FOXN2: variants seen among roughly 807,000 people sequenced by gnomAD.
FOXN2 encodes forkhead box N2.
Under a neutral mutation model 41.2 loss-of-function variants are expected in FOXN2, and 19 were observed. The observed-to-expected ratio is 0.46, with a 90% CI of 0.32 to 0.68. FOXN2 has a LOEUF of 0.68. FOXN2 is among the 30% of genes least tolerant of loss of function. FOXN2 has a pLI of 0.03. For synonymous variants in FOXN2, 195 were observed against 176.8 expected (o/e 1.10, Z -0.82); for missense variants, 587 against 509.4 (o/e 1.15, Z -1.47).
At chr2:48,373,181 T>TAAGAA (rs1475313418) in intron 5 of FOXN2, 111 bp from the exon 6 acceptor site, 17 of 721,058 alleles carry the variant, frequency 2.4e-5, no homozygotes, top group Non-Finnish European at 4.0e-5. Context: ...TTATGCTTTC[T>TAAGAA]TAGAATATAC....
At chr2:48,362,761 A>G in intron 5 of FOXN2, 54 bp downstream of exon 5, 1 of 1,416,504 alleles carries the variant, frequency 7.1e-7, no homozygotes, top group South Asian at 1.2e-5. Context: ...TTTGGTCAAC[A>G]ACAGGCAGTG....
Position 48,348,628 on chromosome 2 carries a change from G to T in FOXN2, c.537+1877G>T, listed in dbSNP as rs72820416. The stretch of plus-strand genomic sequence containing the variant: ...AAATAGGCATGCCTCTACTCTGTTA[G>T]GCTGTTAGTGTGAACAGGTATTGGT... On this transcript the variant is annotated intron_variant, in intron 3 of 6. Coordinates refer to ENST00000340553, the MANE Select transcript of FOXN2 (RefSeq NM_002158.4). Among the ~76,000 whole-genome samples the T allele has an allele frequency of 9.2e-5, 14 of 152,218 alleles. No homozygotes were observed. The East Asian group carries it at 2.7e-3, about 29-fold the overall frequency.
Position 48,375,225 on chromosome 2 carries a change from G to T in FOXN2, c.1078G>T (p.Asp360Tyr). 1.2e-6 allele frequency: 2 copies of T among 1,614,120 alleles called. No homozygotes were observed. Among genetic ancestry groups the T allele is most frequent in the Non-Finnish European group, 1.7e-6 (2 of 1,180,006 alleles). ...AGATACAGACGTTGATTATGAAGAT[G>T]ATCCTCTTGGAGACAGTGGCTATGC... is the stretch of plus-strand genomic sequence containing the variant. The part of the protein sequence containing the change: ...EEDTDVDYED[D>Y]PLGDSGYASQ... Residue 360 changes from aspartate (D) to tyrosine (Y), a missense_variant, in exon 7 of 7, where the codon GAT becomes TAT. Transcript: ENST00000340553.
chr2:48,335,587 T>C (rs1670283288), intron 2 of FOXN2, among the ~76,000 whole-genome samples: 1 of 89,006 alleles, frequency 1.1e-5, no homozygotes. Flanking sequence ...ATGTGAAAGT[T>C]CAGTGACAGA....
intron 2 of FOXN2, among the ~76,000 whole-genome samples, chr2:48,331,061 A>G (rs1572708332): frequency 2.0e-5 from 3 of 152,306 alleles, no homozygotes; most frequent in Admixed American, 2.0e-4. Flanking sequence ...CCATGTAGTA[A>G]AGCTTATTAG....
rs1409828152 is a variant in FOXN2, at chr2:48,376,183, A to T, written c.*740A>T. ...TTATTGGGGCCTTTTATTCTTTCCC[A>T]AAGTGCTTTGCAAACATTAAGTTTT... On this transcript the variant is annotated 3_prime_UTR_variant, in exon 7 of 7. Transcript: ENST00000340553. 1 of 152,156 alleles carries T rather than the reference A, an allele frequency of 6.6e-6. No homozygotes were observed. Among genetic ancestry groups the T allele is most frequent in the Non-Finnish European group, 1.5e-5 (1 of 68,006 alleles). 9.4% of individuals were successfully genotyped at this position (152,156 alleles called of 1,614,324 possible).
At chr2:48,360,792 T>C (rs1425723851) in intron 4 of FOXN2, among the ~76,000 whole-genome samples, 5 of 147,606 alleles carry the variant, frequency 3.4e-5, no homozygotes, top group Admixed American at 2.7e-4. Context: ...TGTGTTGGGT[T>C]TTTTTTTTTT....
rs1671113192 is a variant in FOXN2, at chr2:48,346,537, C to G, written c.323C>G (p.Ser108Ter). The change falls in exon 3 of 7, where the codon TCA (serine) becomes TGA (stop). Residue 108 changes from serine to a stop codon, truncating the protein, a stop_gained. Coordinates refer to ENST00000340553, the MANE Select transcript of FOXN2 (RefSeq NM_002158.4). LOFTEE classifies it high-confidence loss of function. ...PACYQNPEKK[S>*]ATSKPPYSFS... ...TGCTACCAGAACCCAGAAAAAAAAT[C>G]AGCGACTTCAAAGCCCCCATACTCC... 1 of 1,613,318 alleles carries G rather than the reference C, an allele frequency of 6.2e-7. No homozygotes were observed. The highest frequency in any genetic ancestry group is 8.5e-7 in the Non-Finnish European group (1 of 1,179,780).
chr2:48,365,026 T>G (rs1672443341), intron 5 of FOXN2, among the ~76,000 whole-genome samples: 1 of 152,230 alleles, frequency 6.6e-6, no homozygotes, highest in African/African-American at 2.4e-5. Flanking sequence ...TTAGTGGGTT[T>G]TTTTCTTGTA....
At chr2:48,348,575 G>A (rs945730943) in intron 3 of FOXN2, among the ~76,000 whole-genome samples, 1 of 152,174 alleles carries the variant, frequency 6.6e-6, no homozygotes, top group Non-Finnish European at 1.5e-5. Flanking sequence ...GAATGGCAGG[G>A]ACGGAAGTAT....
At chr2:48,361,616 T>A (rs546622634) in intron 4 of FOXN2, among the ~76,000 whole-genome samples, 2 of 152,306 alleles carry the variant, frequency 1.3e-5, no homozygotes, top group African/African-American at 4.8e-5. Flanking sequence ...AGCCCTTGCA[T>A]ATAAGAATTT....
intron 3 of FOXN2, among the ~76,000 whole-genome samples, chr2:48,356,974 A>G (rs1344626151): frequency 6.6e-6 from 1 of 152,246 alleles, no homozygotes; most frequent in African/African-American, 2.4e-5. Flanking sequence ...AGTTTTAAAC[A>G]GTTATTATTT....
chr2:48,330,478 T>C (rs1344208292), intron 2 of FOXN2, among the ~76,000 whole-genome samples: 8 of 152,224 alleles, frequency 5.3e-5, no homozygotes, highest in Admixed American at 5.2e-4. Flanking sequence ...AAACATTGTT[T>C]AGTGATCTGA....
intron 1 of FOXN2, among the ~76,000 whole-genome samples, chr2:48,321,837 T>G (rs1464709846): frequency 6.6e-6 from 1 of 152,216 alleles, no homozygotes; most frequent in Admixed American, 6.5e-5. Context: ...TGTGGGTCTC[T>G]ATGAAAAAAA....
chr2:48,315,718 A>AC (rs959480271), intron 1 of FOXN2, among the ~76,000 whole-genome samples: 1 of 149,680 alleles, frequency 6.7e-6, no homozygotes, highest in South Asian at 2.2e-4. Flanking sequence ...ACTTAACTCC[A>AC]CCCCCTTTTG....
At chr2:48,365,635 G>A (rs375849174) in intron 5 of FOXN2, among the ~76,000 whole-genome samples, 1 of 152,048 alleles carries the variant, frequency 6.6e-6, no homozygotes, top group African/African-American at 2.4e-5. Context: ...CTAATGACTT[G>A]TACGTATTAT....
chr2:48,337,077 T>A (rs1670412609), intron 2 of FOXN2, among the ~76,000 whole-genome samples: 1 of 151,762 alleles, frequency 6.6e-6, no homozygotes, highest in African/African-American at 2.4e-5. Flanking sequence ...TTTGTACTCA[T>A]TAACCACCCC....
upstream of FOXN2, among the ~76,000 whole-genome samples, chr2:48,314,203 C>T (rs1003492453): frequency 1.9e-4 from 29 of 152,380 alleles, no homozygotes; most frequent in Non-Finnish European, 2.8e-4. Context: ...GTCTCCTCAG[C>T]CCGGGCACAG....
At position 48,323,938 on chromosome 2, in the gene FOXN2, A is replaced by G. The variant is rs2104124762; in HGVS notation, c.-156-4623A>G. On this transcript the variant is annotated intron_variant, in intron 1 of 6. Transcript: ENST00000340553. ...TGGGTCCAGTTTCATTCTTCTGCATATGGCTATCCAATTTAGTAGTGCTTT... is the reference window on the plus strand; with the variant it reads ...TGGGTCCAGTTTCATTCTTCTGCATGTGGCTATCCAATTTAGTAGTGCTTT... Among the ~76,000 whole-genome samples, 2 of 152,232 alleles carry G rather than the reference A, an allele frequency of 1.3e-5. 1 individual carries two copies. The highest frequency in any genetic ancestry group is 2.9e-5 in the Non-Finnish European group (2 of 68,008).
Sources: allele counts gnomAD v4.1 joint callset (sites outside exome capture counted in the v4.1 genomes callset), GRCh38; gene constraint gnomAD v4.1.1; transcripts MANE v1.5; gene names NCBI Gene and HGNC (gene_info 2026-07-23, HGNC 2026-07-21).